Variants in DNAH11 observed in about 807,000 individuals in gnomAD.
DNAH11 encodes the protein axonemal beta dynein heavy chain 11.
In DNAH11, 442 loss-of-function variants were observed where a neutral mutation model predicts 526.0. The observed-to-expected ratio is 0.84, with a 90% CI of 0.78 to 0.91. DNAH11 has a LOEUF of 0.91. Among genes scored for constraint, DNAH11 ranks in the 40% least tolerant of loss-of-function variants. The pLI, the probability that DNAH11 is intolerant of heterozygous loss-of-function variation, is 0.00. For missense variants in DNAH11, 6,989 were observed against 5,448.7 expected (o/e 1.28, Z -8.90); for synonymous variants, 2,461 against 1,935.9 (o/e 1.27, Z -7.12).
Position 21,805,354 on chromosome 7 carries a change from G to A in DNAH11, c.10166-2529G>A, listed in dbSNP as rs148642864. On this transcript the variant is annotated intron_variant, in intron 62 of 81. Coordinates refer to ENST00000409508, the MANE Select transcript of DNAH11 (RefSeq NM_001277115.2). ...AGAACAGGAAACTTCACCATTTTTTGTGGACTGCTTGATCCCAAGCATATA... is the reference window on the plus strand; with the variant it reads ...AGAACAGGAAACTTCACCATTTTTTATGGACTGCTTGATCCCAAGCATATA... 4.0e-5 allele frequency among the ~76,000 whole-genome samples: 6 copies of A among 151,866 alleles called. No individual in the cohort carries two copies. In the East Asian group the frequency reaches 1.2e-3, roughly 29 times the overall value.
intron 36 of DNAH11, among the ~76,000 whole-genome samples, chr7:21,699,411 G>T (rs1186706088): frequency 6.6e-6 from 1 of 152,000 alleles, no homozygotes; most frequent in African/African-American, 2.4e-5. Context: ...GATCATTTTT[G>T]ACTTTTGGTC....
intron 47 of DNAH11, among the ~76,000 whole-genome samples, chr7:21,739,275 A>G (rs994504114): frequency 3.3e-5 from 5 of 152,216 alleles, no homozygotes; most frequent in Non-Finnish European, 1.5e-5. Context: ...ACATCCATGG[A>G]GTCTTGCTAT....
rs1784870023 is a variant in DNAH11 at position 21,596,612 on chromosome 7, T to G, written c.2668-3175T>G. On this transcript the variant is annotated intron_variant, in intron 14 of 81. Transcript: ENST00000409508. ...TAATAAAAAAATGTACTCCCCAAAC[T>G]CTAAGGATTTAAACCATTAAGATAT... Among the ~76,000 whole-genome samples, 4 of 152,178 alleles carry G rather than the reference T, an allele frequency of 2.6e-5. No individual in the cohort carries two copies. In the South Asian group the frequency reaches 8.3e-4, roughly 31 times the overall value.
intron 6 of DNAH11, among the ~76,000 whole-genome samples, chr7:21,566,667 T>A: frequency 6.6e-6 from 1 of 151,710 alleles, no homozygotes. Flanking sequence ...AAGTCAGTAA[T>A]AGAGTTCTCA....
At chr7:21,838,982 C>T (rs1782102209) in intron 65 of DNAH11, among the ~76,000 whole-genome samples, 2 of 152,202 alleles carry the variant, frequency 1.3e-5, no homozygotes, top group Non-Finnish European at 2.9e-5. Context: ...CCAGTTTCTC[C>T]ATGTCCTCAC....
Position 21,755,677 on chromosome 7 carries a change from A to G in DNAH11, c.8940+5313A>G, listed in dbSNP as rs183987674. The stretch of plus-strand genomic sequence containing the variant: ...CTCAGTCTTCTATGTGCACATAAAC[A>G]TGAAGTATATATTCAGAACTAAAAA... On this transcript the variant is annotated intron_variant, in intron 54 of 81. Coordinates refer to ENST00000409508, the MANE Select transcript of DNAH11 (RefSeq NM_001277115.2). Among the ~76,000 whole-genome samples, 13 of 152,274 alleles carry G rather than the reference A, an allele frequency of 8.5e-5. No homozygotes were observed. In the East Asian group the frequency reaches 2.5e-3, roughly 29 times the overall value.
At chr7:21,648,104 A>G (rs901176078) in intron 28 of DNAH11, among the ~76,000 whole-genome samples, 8 of 152,246 alleles carry the variant, frequency 5.3e-5, no homozygotes, top group African/African-American at 1.9e-4. Context: ...GGTGCTGTTG[A>G]TTATAATAAC....
chr7:21,731,965 A>G lies in DNAH11; in HGVS notation c.7441-3675A>G, dbSNP rs527380187. Reference sequence around the variant, plus strand: ...ATCTCTTAGTGTACCTAATTTATAAATTAAACTTTATCACAGATATATAGG... The same window carrying G: ...ATCTCTTAGTGTACCTAATTTATAAGTTAAACTTTATCACAGATATATAGG... On this transcript the variant is annotated intron_variant, in intron 45 of 81. Transcript: ENST00000409508. Among the ~76,000 whole-genome samples, 11 of 152,346 alleles carry G rather than the reference A, an allele frequency of 7.2e-5. No individual in the cohort carries two copies. The East Asian group carries it at 9.6e-4, about 13-fold the overall frequency.
At chr7:21,835,389 A>G (rs1781955173) in intron 65 of DNAH11, among the ~76,000 whole-genome samples, 1 of 152,172 alleles carries the variant, frequency 6.6e-6, no homozygotes, top group South Asian at 2.1e-4. Flanking sequence ...TCAAAATTCA[A>G]CAGCACATTA....
rs182567260 is a variant in DNAH11 at position 21,635,664 on chromosome 7, C to T, written c.4501-207C>T. On this transcript the variant is annotated intron_variant, in intron 25 of 81. Transcript: ENST00000409508. ...CAGTTGCATATATTTATCTTTTTTT[C>T]TTTTTGGAAAAATGTTAATATAAAT... 0.011 allele frequency among the ~76,000 whole-genome samples: 1,667 copies of T among 152,028 alleles called. 27 individuals carry two copies. Among genetic ancestry groups the T allele is most frequent in the Non-Finnish European group, 0.019 (1,270 of 67,954 alleles).
At chr7:21,635,709 C>T (rs1246345814) in intron 25 of DNAH11, among the ~76,000 whole-genome samples, 162 bp from the exon 26 acceptor site, 2 of 152,058 alleles carry the variant, frequency 1.3e-5, no homozygotes, top group East Asian at 1.9e-4. Flanking sequence ...CATTAATTCA[C>T]TCATTCACTC....
chr7:21,820,798 A>C (rs879888563), intron 65 of DNAH11, among the ~76,000 whole-genome samples: 1 of 152,198 alleles, frequency 6.6e-6, no homozygotes, highest in Non-Finnish European at 1.5e-5. Flanking sequence ...CTAAGGGACC[A>C]TGCTTTCCTG....
chr7:21,692,189 T>C (rs75779689), intron 35 of DNAH11, among the ~76,000 whole-genome samples: 2,464 of 152,298 alleles, frequency 0.016, 67 homozygotes, highest in African/African-American at 0.055. Flanking sequence ...GGTTTAGAGA[T>C]AAAATTGTAA....
chr7:21,544,743 A>G (rs944883311), intron 1 of DNAH11, among the ~76,000 whole-genome samples: 36 of 152,014 alleles, frequency 2.4e-4, no homozygotes, highest in African/African-American at 8.0e-4. Flanking sequence ...TTTTTGGTGT[A>G]TAATGAACTG....
intron 65 of DNAH11, among the ~76,000 whole-genome samples, chr7:21,838,631 TCATTC>T (rs1782085564): frequency 6.6e-6 from 1 of 152,354 alleles, no homozygotes; most frequent in African/African-American, 2.4e-5. Flanking sequence ...TATCAATACT[TCATTC>T]CATTCTATGG....
At position 21,716,031 on chromosome 7, in the gene DNAH11, A is replaced by C. The variant is rs540054006; in HGVS notation, c.6984-1744A>C. On this transcript the variant is annotated intron_variant, in intron 42 of 81. Coordinates refer to ENST00000409508, the MANE Select transcript of DNAH11 (RefSeq NM_001277115.2). The stretch of plus-strand genomic sequence containing the variant: ...TTCTCTGAGACTTTAGTTGCTGCTG[A>C]TGTGACTCCATGAAACCGCTATTAC... 1.4e-4 allele frequency among the ~76,000 whole-genome samples: 21 copies of C among 152,160 alleles called. No individual in the cohort carries two copies. In the South Asian group the frequency reaches 4.4e-3, roughly 32 times the overall value.
intron 63 of DNAH11, 89 bp downstream of exon 63, chr7:21,808,138 G>A: frequency 9.8e-6 from 11 of 1,121,392 alleles, no homozygotes; most frequent in Non-Finnish European, 1.3e-5. Flanking sequence ...GGCGCTTTTG[G>A]ACGTCTGTAA....
At chr7:21,711,938 C>G in intron 42 of DNAH11, 78 bp downstream of exon 42, 3 of 1,507,534 alleles carry the variant, frequency 2.0e-6, no homozygotes, top group Non-Finnish European at 2.7e-6. Context: ...TTTGCTTAAG[C>G]ACATTCATGT....
At chr7:21,551,589 G>A (rs1562654530) in intron 2 of DNAH11, among the ~76,000 whole-genome samples, 2 of 152,134 alleles carry the variant, frequency 1.3e-5, no homozygotes, top group South Asian at 4.1e-4. Context: ...GGTTTGGGCT[G>A]ACCAGCTATT....
Sources: allele counts gnomAD v4.1 joint callset (sites outside exome capture counted in the v4.1 genomes callset), GRCh38; gene constraint gnomAD v4.1.1; transcripts MANE v1.5; gene names NCBI Gene and HGNC (gene_info 2026-07-23, HGNC 2026-07-21).